KDM7A: variants seen among roughly 807,000 people sequenced by gnomAD.
The protein encoded by KDM7A is lysine-specific demethylase 7A.
A neutral mutation model predicts 114.8 loss-of-function variants in KDM7A; 28 were observed. The observed-to-expected ratio is 0.24, with a 90% CI of 0.18 to 0.33. The LOEUF is 0.33. Ranked by LOEUF, KDM7A falls within the 10% of genes least tolerant of loss-of-function variation. The pLI, the probability that KDM7A is intolerant of heterozygous loss-of-function variation, is 1.00. For missense variants in KDM7A, 942 were observed against 1,142.5 expected (o/e 0.82, Z 2.53); for synonymous variants, 423 against 397.8 (o/e 1.06, Z -0.75).
chr7:140,114,702 C>T (rs1177920515), intron 9 of KDM7A, among the ~76,000 whole-genome samples: 1 of 151,924 alleles, frequency 6.6e-6, no homozygotes, highest in African/African-American at 2.4e-5. Context: ...TTCCCGGCTG[C>T]CATCCCGTCT....
At chr7:140,170,007 T>C (rs1255109583) in intron 1 of KDM7A, among the ~76,000 whole-genome samples, 1 of 152,134 alleles carries the variant, frequency 6.6e-6, no homozygotes, top group Non-Finnish European at 1.5e-5. Flanking sequence ...ATCAAAACAA[T>C]GAAATTGAGA....
At chr7:140,174,339 C>A (rs1794678143) in intron 1 of KDM7A, among the ~76,000 whole-genome samples, 1 of 152,092 alleles carries the variant, frequency 6.6e-6, no homozygotes, top group Non-Finnish European at 1.5e-5. Flanking sequence ...GACTCACTTC[C>A]ACAGATATAA....
chr7:140,139,963 T>A (rs1437180928), intron 1 of KDM7A, among the ~76,000 whole-genome samples: 1 of 152,184 alleles, frequency 6.6e-6, no homozygotes, highest in East Asian at 1.9e-4. Flanking sequence ...AGTGCCTGAA[T>A]AGTCCTGAAC....
chr7:140,160,791 A>G (rs1444246031), intron 1 of KDM7A, among the ~76,000 whole-genome samples: 1 of 152,162 alleles, frequency 6.6e-6, no homozygotes, highest in Non-Finnish European at 1.5e-5. Context: ...GATGCCCACA[A>G]AGGCAAAGAT....
chr7:140,163,452 T>C (rs1794542058), intron 1 of KDM7A, among the ~76,000 whole-genome samples: 1 of 152,070 alleles, frequency 6.6e-6, no homozygotes, highest in African/African-American at 2.4e-5. Flanking sequence ...ACCCAGCTAA[T>C]TTATTTTTTG....
chr7:140,155,927 T>C (rs1030514351), intron 1 of KDM7A, among the ~76,000 whole-genome samples: 30 of 152,228 alleles, frequency 2.0e-4, no homozygotes, highest in Non-Finnish European at 4.4e-4. Context: ...AGTAGAACTA[T>C]CAGTTATAGG....
At position 140,085,997 on chromosome 7, in the gene KDM7A, T is replaced by C. The variant is rs1562941245; in HGVS notation, c.*5097A>G. The C allele has an allele frequency of 6.6e-6, 1 of 152,222 alleles. No homozygotes were observed. Among genetic ancestry groups the C allele is most frequent in the African/African-American group, 2.4e-5 (1 of 41,470 alleles). The allele number at this position is 152,222 out of a possible 1,614,324, so 9.4% of individuals were successfully genotyped here. ...TTATATATTCCAGCACTTATGATCA[T>C]TGTTTTGGTGAAAAATCTTGGAGGA... On this transcript the variant is annotated 3_prime_UTR_variant, in exon 20 of 20. Coordinates refer to ENST00000397560, the MANE Select transcript of KDM7A (RefSeq NM_030647.2).
chr7:140,127,908 T>C (rs572851218), intron 4 of KDM7A, among the ~76,000 whole-genome samples: 2 of 152,310 alleles, frequency 1.3e-5, no homozygotes, highest in South Asian at 2.1e-4. Flanking sequence ...ATACATTATA[T>C]TGGCATGTAG....
At chr7:140,160,834 C>T (rs554787430) in intron 1 of KDM7A, among the ~76,000 whole-genome samples, 12 of 152,270 alleles carry the variant, frequency 7.9e-5, no homozygotes, top group Non-Finnish European at 1.5e-4. Flanking sequence ...TAGACTCCAG[C>T]GCTGACTACT....
At chr7:140,115,828 A>T (rs1386767454) in intron 9 of KDM7A, among the ~76,000 whole-genome samples, 1 of 150,202 alleles carries the variant, frequency 6.7e-6, no homozygotes, top group African/African-American at 2.4e-5. Context: ...AAATAAAAAA[A>T]AATAAAACAT....
At position 140,094,149 on chromosome 7, in the gene KDM7A, G is replaced by A. The variant is rs937906852; in HGVS notation, c.2375-11C>T. The A allele has an allele frequency of 6.6e-7, 1 of 1,511,382 alleles. No homozygotes were observed. The highest frequency in any genetic ancestry group is 1.4e-5 in the African/African-American group (1 of 72,948). The allele number at this position is 1,511,382 out of a possible 1,614,324, so 93.6% of individuals were successfully genotyped here. ...TCTTGACATGGTATCCTAAAGAGAA[G>A]TTTTAGTTTAATTAACTTTGCACAA... On this transcript the variant is annotated splice_polypyrimidine_tract_variant and intron_variant, in intron 17 of 19. Transcript: ENST00000397560.
chr7:140,164,145 A>AACT (rs1470063626), intron 1 of KDM7A, among the ~76,000 whole-genome samples: 2 of 151,660 alleles, frequency 1.3e-5, no homozygotes, highest in Non-Finnish European at 2.9e-5. Context: ...CTCTAAAGCC[A>AACT]ACTACCAATT....
chr7:140,099,943 T>C lies in KDM7A; in HGVS notation c.1719A>G (p.Lys573=). ...PSSTVPEWRA[K]DNDLRLLLTN... ...TCAGCAGTAATCGTAGATCATTATCTTTCGCTCTCCATTCAGGTACTGTGG... is the reference window on the plus strand; with the variant it reads ...TCAGCAGTAATCGTAGATCATTATCCTTCGCTCTCCATTCAGGTACTGTGG... Residue 573 remains lysine, a synonymous_variant, in exon 13 of 20, where the codon AAA becomes AAG. Coordinates refer to ENST00000397560, the MANE Select transcript of KDM7A (RefSeq NM_030647.2). The C allele has an allele frequency of 1.2e-6, 2 of 1,612,542 alleles. No individual in the cohort carries two copies. The highest frequency in any genetic ancestry group is 2.2e-5 in the South Asian group (2 of 91,074).
chr7:140,115,494 C>T (rs1227047736), intron 9 of KDM7A, among the ~76,000 whole-genome samples: 1 of 152,030 alleles, frequency 6.6e-6, no homozygotes, highest in Non-Finnish European at 1.5e-5. Flanking sequence ...ATGACCTTAC[C>T]CCCAACCCCG....
In KDM7A at chr7:140,102,034, C is replaced by T. The variant is rs768709841; in HGVS notation, c.1555G>A (p.Val519Ile). 3.3e-5 allele frequency: 54 copies of T among 1,613,888 alleles called. No homozygotes were observed. Among genetic ancestry groups the T allele is most frequent in the Non-Finnish European group, 4.3e-5 (51 of 1,179,878 alleles). ...RKMRKLRDHN[V>I]RTPSNLDILE... is the part of the protein sequence containing the mutation. ...ATGTCTAGGTTAGAAGGAGTTCGGA[C>T]ATTATGATCTCGAAGTTTCCTCATC... The change falls in exon 12 of 20, where the codon GTC (valine) becomes ATC (isoleucine). Residue 519 changes from valine (V) to isoleucine (I), a missense_variant. By Grantham distance (29) the Val-to-Ile change is conservative. Coordinates refer to ENST00000397560, the MANE Select transcript of KDM7A (RefSeq NM_030647.2).
At position 140,129,501 on chromosome 7, in the gene KDM7A, C is replaced by T. The variant is rs940612570; in HGVS notation, c.551G>A (p.Arg184His). The change falls in exon 4 of 20, where the codon CGT becomes CAT. Residue 184 changes from arginine (R) to histidine (H), a missense_variant. Around this residue, in one of 4 missense-constraint regions of KDM7A, gnomAD observed 318 missense variants for 453.1 expected, o/e 0.70. Coordinates refer to ENST00000397560, the MANE Select transcript of KDM7A (RefSeq NM_030647.2). ...SPTFSVMDVE[R>H]YVGGDKVIDV... ...AGAAATAAAGTTCGTACCTACATAA[C>T]GTTCCACATCCATCACAGAAAATGT... 4 of 1,612,908 alleles carry T rather than the reference C, an allele frequency of 2.5e-6. No homozygotes were observed. Among genetic ancestry groups the T allele is most frequent in the Non-Finnish European group, 2.5e-6 (3 of 1,179,260 alleles).
intron 1 of KDM7A, among the ~76,000 whole-genome samples, chr7:140,152,468 A>G (rs1794410969): frequency 6.6e-6 from 1 of 152,120 alleles, no homozygotes; most frequent in African/African-American, 2.4e-5. Context: ...TACTAAAAAT[A>G]CAAAAGTTAG....
intron 1 of KDM7A, among the ~76,000 whole-genome samples, chr7:140,148,643 T>C (rs1361789176): frequency 6.6e-6 from 1 of 152,216 alleles, no homozygotes; most frequent in Non-Finnish European, 1.5e-5. Flanking sequence ...AAATTGTTAA[T>C]CGTTTTATAC....
intron 2 of KDM7A, among the ~76,000 whole-genome samples, chr7:140,138,539 G>A (rs1818904977): frequency 6.6e-6 from 1 of 152,034 alleles, no homozygotes; most frequent in African/African-American, 2.4e-5. Flanking sequence ...TCAGAAACCT[G>A]GTCTGGTGTG....
Sources: allele counts gnomAD v4.1 joint callset (sites outside exome capture counted in the v4.1 genomes callset), GRCh38; gene constraint gnomAD v4.1.1; regional missense constraint gnomAD v4.1.1; transcripts MANE v1.5; gene names NCBI Gene and HGNC (gene_info 2026-07-23, HGNC 2026-07-21).